The following NR2C2 variants were observed in gnomAD, a reference collection of about 807,000 sequenced individuals.
The protein encoded by NR2C2 is nuclear receptor subfamily 2 group C member 2, also known as Nuclear hormone receptor TR4.
Under a neutral mutation model 62.9 loss-of-function variants are expected in NR2C2, and 6 were observed. The observed-to-expected ratio is 0.10, with a 90% confidence interval of 0.05 to 0.19. The LOEUF (loss-of-function observed/expected upper bound fraction) is 0.19. NR2C2 is among the 10% of genes least tolerant of loss of function. NR2C2 has a pLI of 1.00. For missense variants in NR2C2, 479 were observed against 762.7 expected, an observed-to-expected ratio of 0.63 and a Z score of 4.38; for synonymous variants, 272 against 273.8, an observed-to-expected ratio of 0.99 and a Z score of 0.07.
chr3:15,011,076 C>T (rs2041338596), intron 2 of NR2C2, among the ~76,000 whole-genome samples: 1 of 152,140 alleles, frequency 6.6e-6, no homozygotes, highest in Non-Finnish European at 1.5e-5. Flanking sequence ...TGGCTCATGC[C>T]TGAATCCTAG....
Position 15,030,325 on chromosome 3 carries a change from C to T in NR2C2, c.983C>T (p.Ser328Phe), listed in dbSNP as rs144602409. The T allele has an allele frequency of 8.5e-4, 1,376 of 1,613,186 alleles. 2 individuals carry two copies. The highest frequency in any genetic ancestry group is 1.3e-3 in the Admixed American group (77 of 59,712). The change falls in exon 9 of 14, where the codon TCT (serine) becomes TTT (phenylalanine). Residue 328 changes from serine (S) to phenylalanine (F), a missense_variant. Physicochemically the swap from Ser to Phe is radical, Grantham distance 155 (BLOSUM62 -2). Coordinates refer to ENST00000425241, the MANE Select transcript of NR2C2 (RefSeq NM_001291694.2). ...CTTAATACCACAGACAGCTCCTCTTCTCCAAGCTTGGCAGATGGGATAGAC... is the reference window on the plus strand; with the variant it reads ...CTTAATACCACAGACAGCTCCTCTTTTCCAAGCTTGGCAGATGGGATAGAC... Reference protein sequence around the residue: ...KALNTTDSSSSPSLADGIDTS... With the variant: ...KALNTTDSSSFPSLADGIDTS...
chr3:15,019,673 C>T (rs1321197381), intron 4 of NR2C2, among the ~76,000 whole-genome samples: 1 of 151,772 alleles, frequency 6.6e-6, no homozygotes, highest in Non-Finnish European at 1.5e-5. Context: ...AAGACAAATA[C>T]GATCTCACTC....
chr3:14,992,829 C>A (rs1029914797), intron 1 of NR2C2, among the ~76,000 whole-genome samples: 3 of 152,220 alleles, frequency 2.0e-5, no homozygotes, highest in African/African-American at 7.2e-5. Flanking sequence ...ATATTTCACA[C>A]CCAGCTTGCC....
At chr3:15,025,012 G>GC (rs2041784184) in intron 7 of NR2C2, among the ~76,000 whole-genome samples, 1 of 152,236 alleles carries the variant, frequency 6.6e-6, no homozygotes, top group South Asian at 2.1e-4. Context: ...GTCATGGAGA[G>GC]CTGCCCTGCA....
In NR2C2 at chr3:15,035,798, G is replaced by T. The variant is rs531998198; in HGVS notation, c.1372+989G>T. The stretch of plus-strand genomic sequence containing the variant: ...TCCCAGCACTTTGGGAGGCCAAGGC[G>T]GGTGGACTGCCTGAGCTTGGGCGTT... On this transcript the variant is annotated intron_variant, in intron 11 of 13. Transcript: ENST00000425241. Among the ~76,000 whole-genome samples the T allele has an allele frequency of 2.6e-5, 4 of 152,384 alleles. No homozygotes were observed. In the South Asian group the frequency reaches 8.3e-4, roughly 32 times the overall value.
intron 2 of NR2C2, 131 bp downstream of exon 2, chr3:15,004,117 TA>T: frequency 1.2e-5 from 8 of 652,506 alleles, no homozygotes; most frequent in South Asian, 2.3e-5. Context: ...ATCAATTCTT[TA>T]AAAAAAATAA....
intron 11 of NR2C2, among the ~76,000 whole-genome samples, chr3:15,035,079 C>A (rs1482442339): frequency 2.0e-5 from 3 of 152,078 alleles, no homozygotes; most frequent in Non-Finnish European, 2.9e-5. Flanking sequence ...ATCACTTGAG[C>A]CCAGGAGTTT....
intron 1 of NR2C2, among the ~76,000 whole-genome samples, chr3:14,951,431 A>T (rs1053923893): frequency 6.6e-6 from 1 of 152,230 alleles, no homozygotes; most frequent in Non-Finnish European, 1.5e-5. Context: ...TATATTGTAA[A>T]ACTTTTAAAA....
chr3:14,948,986 G>A (rs2039251851), intron 1 of NR2C2, among the ~76,000 whole-genome samples: 2 of 152,188 alleles, frequency 1.3e-5, no homozygotes, highest in Non-Finnish European at 2.9e-5. Flanking sequence ...TGAAAATGGT[G>A]TTATTGTTAA....
intron 1 of NR2C2, among the ~76,000 whole-genome samples, chr3:14,951,948 A>G (rs1178757107): frequency 6.6e-6 from 1 of 152,124 alleles, no homozygotes; most frequent in Non-Finnish European, 1.5e-5. Flanking sequence ...GTGTTTCACC[A>G]TGTTAGCCAG....
intron 1 of NR2C2, among the ~76,000 whole-genome samples, chr3:14,983,495 A>ACACACG (rs397706337): frequency 6.7e-6 from 1 of 150,374 alleles, no homozygotes; most frequent in African/African-American, 2.5e-5. Flanking sequence ...ACACACACAC[A>ACACACG]TTCTTAGTTT....
At chr3:14,990,025 C>G (rs1356914798) in intron 1 of NR2C2, among the ~76,000 whole-genome samples, 1 of 151,820 alleles carries the variant, frequency 6.6e-6, no homozygotes, top group Non-Finnish European at 1.5e-5. Context: ...ATCACTTGAG[C>G]CCAGGAGGTC....
At chr3:15,021,450 A>G (rs1274755389) in intron 5 of NR2C2, among the ~76,000 whole-genome samples, 2 of 152,036 alleles carry the variant, frequency 1.3e-5, no homozygotes, top group African/African-American at 4.8e-5. Context: ...TTGCTCCTGG[A>G]TGTGTGGGGC....
At chr3:14,995,436 A>G (rs764298123) in intron 1 of NR2C2, among the ~76,000 whole-genome samples, 1 of 151,864 alleles carries the variant, frequency 6.6e-6, no homozygotes, top group Non-Finnish European at 1.5e-5. Context: ...ATTGAATCAT[A>G]TAGTCTTTTG....
chr3:14,970,324 T>C (rs2039999967), intron 1 of NR2C2, among the ~76,000 whole-genome samples: 1 of 152,154 alleles, frequency 6.6e-6, no homozygotes, highest in South Asian at 2.1e-4. Context: ...TGTTTTTAAT[T>C]GCGGTAAAAT....
rs1383835685 is a variant in NR2C2, at chr3:15,047,965, GCCTTAAACTGAGACTCGGC to G, written c.*4962_*4980del. 1 of 152,264 alleles carries G rather than the reference GCCTTAAACTGAGACTCGGC, an allele frequency of 6.6e-6. No individual in the cohort carries two copies. 9.4% of individuals were successfully genotyped at this position (152,264 alleles called of 1,614,324 possible). On this transcript the variant is annotated 3_prime_UTR_variant, in exon 14 of 14. Transcript: ENST00000425241. ...CGGACGAATTTTCCCCCTTAATCTGGCCTTAAACTGAGACTCGGCCCTTGAGAGCCAGGGCCTGGCCCAG... is the reference window on the plus strand; with the variant it reads ...CGGACGAATTTTCCCCCTTAATCTGGCCTTGAGAGCCAGGGCCTGGCCCAG...
At chr3:15,005,870 T>C (rs928469312) in intron 2 of NR2C2, among the ~76,000 whole-genome samples, 1 of 152,264 alleles carries the variant, frequency 6.6e-6, no homozygotes, top group African/African-American at 2.4e-5. Context: ...TGGATGTGGA[T>C]CAATTCATAT....
intron 1 of NR2C2, among the ~76,000 whole-genome samples, chr3:14,966,055 A>G (rs1241489566): frequency 6.6e-6 from 1 of 152,212 alleles, no homozygotes. Context: ...TAATAACTAT[A>G]TATAATATTT....
In NR2C2 at chr3:15,015,787, C is replaced by T. The variant is rs1007229898; in HGVS notation, c.274-365C>T. ...GAATTTGTAATTAAACATTACTTTGCTTAGTGATCTGGGTTTTTGCTTGTT... is the reference window on the plus strand; with the variant it reads ...GAATTTGTAATTAAACATTACTTTGTTTAGTGATCTGGGTTTTTGCTTGTT... On this transcript the variant is annotated intron_variant, in intron 3 of 13. Coordinates refer to ENST00000425241, the MANE Select transcript of NR2C2 (RefSeq NM_001291694.2). 2.2e-4 allele frequency among the ~76,000 whole-genome samples: 33 copies of T among 152,252 alleles called. 4 individuals carry two copies. Among genetic ancestry groups the T allele is most frequent in the South Asian group, 2.1e-3 (10 of 4,814 alleles).
Sources: gnomAD v4.1 joint callset for allele counts (sites outside exome capture counted in the v4.1 genomes callset) on GRCh38, gnomAD v4.1.1 for gene constraint, MANE v1.5 for transcripts, NCBI Gene and HGNC (gene_info 2026-07-23, HGNC 2026-07-21) for gene names.